The following NFIB variants were observed in gnomAD, a reference collection of about 807,000 sequenced individuals.
NFIB encodes the protein nuclear factor 1 B-type.
A neutral mutation model predicts 61.5 loss-of-function variants in NFIB; 11 were observed. The ratio of observed to expected loss-of-function variants is 0.18; its 90% CI spans 0.11 to 0.30. NFIB has a LOEUF of 0.30. Among genes scored for constraint, NFIB ranks in the 10% least tolerant of loss-of-function variants. The pLI is 1.00. For synonymous variants in NFIB, 260 were observed against 216.5 expected, an observed-to-expected ratio of 1.20 and a Z score of -1.76; for missense variants, 471 against 608.9, an observed-to-expected ratio of 0.77 and a Z score of 2.38.
intron 3 of NFIB, among the ~76,000 whole-genome samples, chr9:14,166,059 T>C (rs1487429774): frequency 6.6e-6 from 1 of 152,230 alleles, no homozygotes; most frequent in African/African-American, 2.4e-5. Flanking sequence ...CCCAGATTGT[T>C]AACCACATTC....
At chr9:14,459,413 C>T in the NFIB span, among the ~76,000 whole-genome samples, 1 of 152,084 alleles carries the variant, frequency 6.6e-6, no homozygotes, top group Non-Finnish European at 1.5e-5. Flanking sequence ...CCATAAAAAC[C>T]CTAGAAGAAA....
intron 2 of NFIB, among the ~76,000 whole-genome samples, chr9:14,186,882 A>G (rs1180709241): frequency 3.9e-5 from 6 of 151,968 alleles, no homozygotes; most frequent in African/African-American, 1.2e-4. Context: ...TCTCTATTAG[A>G]TGTGTATTAA....
intron 2 of NFIB, among the ~76,000 whole-genome samples, chr9:14,190,276 G>A (rs921331105): frequency 2.0e-5 from 3 of 152,072 alleles, no homozygotes; most frequent in Non-Finnish European, 4.4e-5. Context: ...AAAAATAAAT[G>A]TATACATTTA....
At chr9:14,502,814 G>C in the NFIB span, among the ~76,000 whole-genome samples, 12 of 152,236 alleles carry the variant, frequency 7.9e-5, no homozygotes, top group South Asian at 2.5e-3. Flanking sequence ...TAATTTCTGA[G>C]ATTTTGGTAC....
intron 6 of NFIB, among the ~76,000 whole-genome samples, chr9:14,132,911 A>G (rs36097937): frequency 0.13 from 19,677 of 150,148 alleles, 1,596 homozygotes; most frequent in Non-Finnish European, 0.19. Context: ...TTTTTTTGTT[A>G]TTTTTTGGCA....
chr9:14,287,954 TCTGCTGAGTTCA>T (rs2058827815), intron 2 of NFIB, among the ~76,000 whole-genome samples: 1 of 152,124 alleles, frequency 6.6e-6, no homozygotes. Flanking sequence ...CATTTTTTCT[TCTGCTGAGTTCA>T]ACAGCCACGC....
At chr9:14,168,071 G>C (rs1488951476) in intron 3 of NFIB, among the ~76,000 whole-genome samples, 5 of 152,178 alleles carry the variant, frequency 3.3e-5, no homozygotes, top group Admixed American at 3.3e-4. Context: ...CTAGGATGTG[G>C]TATACCTACA....
chr9:14,214,225 C>A (rs188199159), intron 2 of NFIB, among the ~76,000 whole-genome samples: 28 of 152,300 alleles, frequency 1.8e-4, no homozygotes, highest in Admixed American at 7.2e-4. Flanking sequence ...CCCTTCCCCA[C>A]CAGCCTGCTC....
At chr9:14,498,032 A>G in the NFIB span, among the ~76,000 whole-genome samples, 1 of 152,180 alleles carries the variant, frequency 6.6e-6, no homozygotes, top group East Asian at 1.9e-4. Flanking sequence ...TTTTTGTATT[A>G]AGCTCATTTG....
chr9:14,455,354 T>C, the NFIB span, among the ~76,000 whole-genome samples: 1 of 152,224 alleles, frequency 6.6e-6, no homozygotes, highest in Non-Finnish European at 1.5e-5. Flanking sequence ...TTATTTACTA[T>C]TAACTAGTGA....
chr9:14,461,470 T>A, the NFIB span, among the ~76,000 whole-genome samples: 12 of 152,196 alleles, frequency 7.9e-5, no homozygotes, highest in African/African-American at 2.9e-4. Context: ...TCAGCCTCTA[T>A]CAGCAGCAGG....
At chr9:14,134,440 GAATCACCCAATCAGATT>G (rs2130975018) in intron 6 of NFIB, among the ~76,000 whole-genome samples, 1 of 152,214 alleles carries the variant, frequency 6.6e-6, no homozygotes, top group Admixed American at 6.5e-5. Context: ...AACTAGACAA[GAATCACCCAATCAGATT>G]AGGCACAGAG....
At chr9:14,451,262 G>A in the NFIB span, among the ~76,000 whole-genome samples, 31 of 152,318 alleles carry the variant, frequency 2.0e-4, no homozygotes, top group Admixed American at 2.0e-3. Flanking sequence ...CTGCATGGTG[G>A]ATAGGTAGGT....
At chr9:14,423,632 T>G in the NFIB span, among the ~76,000 whole-genome samples, 8,351 of 152,272 alleles carry the variant, frequency 0.055, 240 homozygotes, top group Non-Finnish European at 0.058. Flanking sequence ...TAAAAACTCA[T>G]CTATGTCCCT....
intron 2 of NFIB, among the ~76,000 whole-genome samples, chr9:14,193,067 T>C (rs2048122234): frequency 1.3e-5 from 2 of 151,892 alleles, no homozygotes; most frequent in South Asian, 4.2e-4. Flanking sequence ...CAGTACTAAG[T>C]ACAAAATTCT....
chr9:14,296,667 G>C (rs74700862), intron 2 of NFIB, among the ~76,000 whole-genome samples: 1 of 152,314 alleles, frequency 6.6e-6, no homozygotes, highest in South Asian at 2.1e-4. Flanking sequence ...GAGAGCCCTC[G>C]CTGGAACTTG....
intron 2 of NFIB, among the ~76,000 whole-genome samples, chr9:14,223,887 A>G (rs761380448): frequency 1.3e-5 from 2 of 152,168 alleles, no homozygotes; most frequent in Non-Finnish European, 2.9e-5. Flanking sequence ...CAGCCACACT[A>G]TATCCTATCA....
upstream of NFIB, among the ~76,000 whole-genome samples, chr9:14,315,247 C>A (rs1436187765): frequency 6.6e-6 from 1 of 151,602 alleles, no homozygotes; most frequent in East Asian, 2.0e-4. Context: ...CCACCAGGGG[C>A]CCGCACCCGA....
chr9:14,085,005 G>A lies in NFIB; in HGVS notation c.*3304C>T. 4.4e-6 allele frequency: 1 copy of A among 229,122 alleles called. No individual in the cohort carries two copies. The highest frequency in any genetic ancestry group is 8.7e-6 in the Non-Finnish European group (1 of 115,236). The allele number at this position is 229,122 out of a possible 1,614,324, so 14.2% of individuals were successfully genotyped here. On this transcript the variant is annotated 3_prime_UTR_variant, in exon 11 of 11. Coordinates refer to ENST00000380953, the MANE Select transcript of NFIB (RefSeq NM_001190737.2). ...AGTCTGCCTTTAAAAAATACTGTGT[G>A]TCCTGTGAGGTTCATTTGTTCACCT...
Sources: gnomAD v4.1 joint callset for allele counts (sites outside exome capture counted in the v4.1 genomes callset) on GRCh38, gnomAD v4.1.1 for gene constraint, MANE v1.5 for transcripts, NCBI Gene and HGNC (gene_info 2026-07-23, HGNC 2026-07-21) for gene names.